The following ITPR2 variants were observed in gnomAD, a reference collection of about 807,000 sequenced individuals.
ITPR2 encodes inositol 1,4,5-trisphosphate-gated calcium channel ITPR2.
A neutral mutation model predicts 317.1 loss-of-function variants in ITPR2; 207 were observed. That is an observed-to-expected ratio of 0.65 (90% CI 0.58 to 0.73). The LOEUF is 0.73. Ranked by LOEUF, ITPR2 falls within the 30% of genes least tolerant of loss-of-function variation. ITPR2 has a pLI of 0.00. For synonymous variants in ITPR2, 1,156 were observed against 1,149.1 expected, an observed-to-expected ratio of 1.01 and a Z score of -0.12; for missense variants, 2,613 against 3,284.0, an observed-to-expected ratio of 0.80 and a Z score of 4.99.
intron 2 of ITPR2, among the ~76,000 whole-genome samples, chr12:26,782,035 T>TAG (rs1458394049): frequency 1.0e-4 from 1 of 9,902 alleles, no homozygotes; most frequent in African/African-American, 3.6e-4. Context: ...TATATATATG[T>TAG]ATAGAGAGAG....
intron 11 of ITPR2, among the ~76,000 whole-genome samples, chr12:26,683,856 A>T (rs538187189): frequency 2.6e-5 from 4 of 152,234 alleles, no homozygotes; most frequent in Non-Finnish European, 5.9e-5. Flanking sequence ...ATATGTGTAT[A>T]GTGTCTATTA....
intron 1 of ITPR2, among the ~76,000 whole-genome samples, chr12:26,817,733 T>A (rs940306921): frequency 6.6e-6 from 1 of 152,246 alleles, no homozygotes; most frequent in African/African-American, 2.4e-5. Flanking sequence ...AGAGCCAGCA[T>A]TTGAGGACAT....
At position 26,816,431 on chromosome 12, in the gene ITPR2, G is replaced by A. The variant is rs560956559; in HGVS notation, c.92+16259C>T. The stretch of plus-strand genomic sequence containing the variant: ...ATAACTTCTGAAGATCACACCATGA[G>A]AGAGTGGAGTCATCATATAAAACCA... On this transcript the variant is annotated intron_variant, in intron 1 of 56. Coordinates refer to ENST00000381340, the MANE Select transcript of ITPR2 (RefSeq NM_002223.4). 2.6e-5 allele frequency among the ~76,000 whole-genome samples: 4 copies of A among 152,296 alleles called. No individual in the cohort carries two copies. In the South Asian group the frequency reaches 8.3e-4, roughly 32 times the overall value.
At chr12:26,746,796 A>C (rs1303613747) in intron 2 of ITPR2, among the ~76,000 whole-genome samples, 1 of 150,572 alleles carries the variant, frequency 6.6e-6, no homozygotes, top group Non-Finnish European at 1.5e-5. Context: ...AAAGAGCACA[A>C]GTGTTCTCTT....
intron 51 of ITPR2, among the ~76,000 whole-genome samples, chr12:26,412,877 C>T (rs1379111524): frequency 2.0e-5 from 3 of 152,128 alleles, no homozygotes; most frequent in Non-Finnish European, 2.9e-5. Flanking sequence ...ACCCCACATC[C>T]AGTGCAGATC....
chr12:26,595,682 T>A, intron 31 of ITPR2, 92 bp from the exon 32 acceptor site: 1 of 1,027,790 alleles, frequency 9.7e-7, no homozygotes, highest in Non-Finnish European at 1.4e-6. Context: ...AATCTGTTAG[T>A]TTTTATGGTA....
At chr12:26,670,440 G>C (rs1314738714) in intron 13 of ITPR2, among the ~76,000 whole-genome samples, 3 of 152,164 alleles carry the variant, frequency 2.0e-5, no homozygotes, top group Non-Finnish European at 2.9e-5. Context: ...AGGCAAACAG[G>C]GTCTGGAGTG....
intron 49 of ITPR2, 27 bp downstream of exon 49, chr12:26,427,886 C>G: frequency 2.2e-6 from 3 of 1,387,666 alleles, no homozygotes; most frequent in Non-Finnish European, 1.9e-6. Context: ...AATTCTGTAA[C>G]AGTACAAAGC....
intron 1 of ITPR2, 51 bp from the exon 2 acceptor site, chr12:26,790,278 A>C (rs41276668): frequency 0.019 from 25,329 of 1,347,858 alleles, 252 homozygotes; most frequent in Non-Finnish European, 0.023. Flanking sequence ...ATATTCATAA[A>C]CCACAGACTG....
chr12:26,374,826 A>C (rs1209208432), intron 55 of ITPR2, among the ~76,000 whole-genome samples: 3 of 152,204 alleles, frequency 2.0e-5, no homozygotes, highest in East Asian at 3.8e-4. Context: ...TTAAATGACT[A>C]ATCTCTGAAA....
chr12:26,511,509 A>G (rs952527043), intron 37 of ITPR2, among the ~76,000 whole-genome samples: 5 of 152,246 alleles, frequency 3.3e-5, no homozygotes, highest in African/African-American at 4.8e-5. Flanking sequence ...AGGGCTGAGC[A>G]GACATTCAAT....
At chr12:26,645,058 C>T (rs1947081555) in intron 21 of ITPR2, among the ~76,000 whole-genome samples, 1 of 152,142 alleles carries the variant, frequency 6.6e-6, no homozygotes, top group South Asian at 2.1e-4. Context: ...CACTAAACTG[C>T]ATCACAACCC....
chr12:26,610,227 T>G (rs1375588761), intron 26 of ITPR2, among the ~76,000 whole-genome samples: 1 of 152,372 alleles, frequency 6.6e-6, no homozygotes, highest in East Asian at 1.9e-4. Flanking sequence ...AAAAGTCAGC[T>G]AATCGATCAC....
At chr12:26,361,083 C>T (rs1296839194) in intron 55 of ITPR2, among the ~76,000 whole-genome samples, 7 of 151,892 alleles carry the variant, frequency 4.6e-5, no homozygotes, top group African/African-American at 7.3e-5. Context: ...GGCATGGTAG[C>T]GAGCGCCTGT....
At chr12:26,589,081 C>T (rs1945617752) in intron 32 of ITPR2, among the ~76,000 whole-genome samples, 1 of 152,272 alleles carries the variant, frequency 6.6e-6, no homozygotes, top group Non-Finnish European at 1.5e-5. Context: ...TTTAGCTGCA[C>T]TGGAACATAG....
At chr12:26,387,296 A>T in intron 55 of ITPR2, 138 bp downstream of exon 55, 1 of 789,842 alleles carries the variant, frequency 1.3e-6, no homozygotes, top group Non-Finnish European at 2.0e-6. Context: ...GATGTTCTTC[A>T]GTGATTGACA....
Position 26,669,190 on chromosome 12 carries a change from T to C in ITPR2, c.1410-3139A>G, listed in dbSNP as rs112907582. ...ACTGAAGAAGGAAAATTATTCTACA[T>C]ACATTCTAAAAATATTATTAATCTA... On this transcript the variant is annotated intron_variant, in intron 13 of 56. Transcript: ENST00000381340. 8.9e-3 allele frequency among the ~76,000 whole-genome samples: 1,351 copies of C among 151,734 alleles called. 21 individuals are homozygous for C. The highest frequency in any genetic ancestry group is 0.031 in the African/African-American group (1,285 of 41,476).
At chr12:26,564,104 CAT>C (rs1173851763) in intron 34 of ITPR2, among the ~76,000 whole-genome samples, 5 of 152,038 alleles carry the variant, frequency 3.3e-5, no homozygotes, top group Admixed American at 6.5e-5. Flanking sequence ...CATACATAAA[CAT>C]GTGAAAAATT....
At chr12:26,438,755 C>T (rs1044750889) in intron 47 of ITPR2, among the ~76,000 whole-genome samples, 7 of 152,264 alleles carry the variant, frequency 4.6e-5, no homozygotes, top group South Asian at 4.1e-4. Flanking sequence ...AGGAAGAGTG[C>T]GCAGGAGCTG....
Sources: allele counts gnomAD v4.1 joint callset (sites outside exome capture counted in the v4.1 genomes callset), GRCh38; gene constraint gnomAD v4.1.1; transcripts MANE v1.5; gene names NCBI Gene and HGNC (gene_info 2026-07-23, HGNC 2026-07-21).